HS3ST4: variants seen among roughly 807,000 people sequenced by gnomAD.
HS3ST4 encodes the protein heparan sulfate glucosamine 3-O-sulfotransferase 4.
HS3ST4 carries 17 observed loss-of-function variants against 29.2 expected under a neutral mutation model. The observed-to-expected ratio is 0.58, with a 90% CI of 0.40 to 0.87. HS3ST4 has a LOEUF of 0.87. HS3ST4 is among the 40% of genes least tolerant of loss of function. The pLI, the probability that HS3ST4 is intolerant of heterozygous loss-of-function variation, is 0.00. For synonymous variants in HS3ST4, 314 were observed against 285.7 expected, an observed-to-expected ratio of 1.10 and a Z score of -1.00; for missense variants, 627 against 634.5, an observed-to-expected ratio of 0.99 and a Z score of 0.13.
rs141337706 is a variant in HS3ST4 at position 25,917,151 on chromosome 16, A to C, written c.735-218461A>C. On this transcript the variant is annotated intron_variant, in intron 1 of 1. Transcript: ENST00000331351. Reference sequence around the variant, plus strand: ...TTTTGTAGATGGGTTTGCCTAGCCTAGTTCTAGCACATACTAGGGGCTTAA... The same window carrying C: ...TTTTGTAGATGGGTTTGCCTAGCCTCGTTCTAGCACATACTAGGGGCTTAA... 5.0e-3 allele frequency among the ~76,000 whole-genome samples: 763 copies of C among 152,306 alleles called. 6 individuals are homozygous for C. The highest frequency in any genetic ancestry group is 0.017 in the African/African-American group (695 of 41,560).
At chr16:25,806,795 A>G (rs1966995010) in intron 1 of HS3ST4, among the ~76,000 whole-genome samples, 1 of 152,042 alleles carries the variant, frequency 6.6e-6, no homozygotes, top group African/African-American at 2.4e-5. Context: ...AGATGTTTCC[A>G]GTTGTACTTG....
chr16:25,895,602 G>A lies in HS3ST4; in HGVS notation c.734+202451G>A, dbSNP rs367713283. The stretch of plus-strand genomic sequence containing the variant: ...GTGGACTGGGCGCCTTCACCAGCAA[G>A]GATTTATGTCTCATGTTCTGGAGGC... On this transcript the variant is annotated intron_variant, in intron 1 of 1. Coordinates refer to ENST00000331351, the MANE Select transcript of HS3ST4 (RefSeq NM_006040.3). Among the ~76,000 whole-genome samples the A allele has an allele frequency of 3.1e-4, 47 of 152,212 alleles. No homozygotes were observed. In the East Asian group the frequency reaches 6.0e-3, roughly 19 times the overall value.
At chr16:25,853,792 T>G (rs898491963) in intron 1 of HS3ST4, among the ~76,000 whole-genome samples, 2 of 152,206 alleles carry the variant, frequency 1.3e-5, no homozygotes, top group African/African-American at 4.8e-5. Context: ...TGATGTTCAT[T>G]AGAAATATTG....
At chr16:25,858,034 CTCTT>C (rs1452815557) in intron 1 of HS3ST4, among the ~76,000 whole-genome samples, 1 of 144,398 alleles carries the variant, frequency 6.9e-6, no homozygotes, top group African/African-American at 2.6e-5. Context: ...TTTCCTCTTT[CTCTT>C]TCTTCTTTCT....
At chr16:25,839,745 G>A (rs1260735175) in intron 1 of HS3ST4, among the ~76,000 whole-genome samples, 1 of 152,158 alleles carries the variant, frequency 6.6e-6, no homozygotes, top group Non-Finnish European at 1.5e-5. Context: ...TCAGTCATAA[G>A]AGGCTCTAGG....
intron 1 of HS3ST4, among the ~76,000 whole-genome samples, chr16:25,931,127 CG>C (rs35686511): frequency 0.1 from 15,262 of 152,194 alleles, 986 homozygotes; most frequent in Non-Finnish European, 0.15. Flanking sequence ...ACCTCCACCC[CG>C]GGAAATGCGG....
intron 1 of HS3ST4, among the ~76,000 whole-genome samples, chr16:25,714,091 T>C (rs1966435666): frequency 6.6e-6 from 1 of 152,158 alleles, no homozygotes; most frequent in African/African-American, 2.4e-5. Context: ...CATTACAAGA[T>C]GCTATTCAGG....
chr16:26,032,029 T>C (rs1596656655), intron 1 of HS3ST4, among the ~76,000 whole-genome samples: 2 of 152,192 alleles, frequency 1.3e-5, no homozygotes, highest in African/African-American at 4.8e-5. Context: ...AGATCCACAA[T>C]CTAGAAATGG....
intron 1 of HS3ST4, among the ~76,000 whole-genome samples, chr16:26,039,351 AGTGT>A (rs1302332119): frequency 2.0e-5 from 3 of 152,162 alleles, no homozygotes; most frequent in Non-Finnish European, 2.9e-5. Flanking sequence ...TTTTGTTTTG[AGTGT>A]GTGTATGTGT....
At chr16:25,827,165 AC>A (rs779994310) in intron 1 of HS3ST4, among the ~76,000 whole-genome samples, 5 of 152,138 alleles carry the variant, frequency 3.3e-5, no homozygotes, top group Non-Finnish European at 7.3e-5. Context: ...TTGAGATCCA[AC>A]GTAGCTGCTC....
intron 1 of HS3ST4, among the ~76,000 whole-genome samples, chr16:25,827,862 A>T (rs1046585202): frequency 6.6e-6 from 1 of 152,230 alleles, no homozygotes; most frequent in African/African-American, 2.4e-5. Context: ...CCATGTTAAC[A>T]GATGAGGAAG....
intron 1 of HS3ST4, among the ~76,000 whole-genome samples, chr16:25,837,805 CA>C (rs1230807081): frequency 6.6e-6 from 1 of 151,864 alleles, no homozygotes; most frequent in Non-Finnish European, 1.5e-5. Flanking sequence ...ATTTTAGGTT[CA>C]GGGGCTACAT....
intron 1 of HS3ST4, among the ~76,000 whole-genome samples, chr16:26,129,017 C>T (rs959889191): frequency 1.3e-5 from 2 of 152,216 alleles, no homozygotes; most frequent in Admixed American, 1.3e-4. Flanking sequence ...CTAATTCAGG[C>T]AAGCCAAAGG....
At chr16:25,834,307 A>C (rs940546091) in intron 1 of HS3ST4, among the ~76,000 whole-genome samples, 3 of 152,216 alleles carry the variant, frequency 2.0e-5, no homozygotes, top group Non-Finnish European at 4.4e-5. Flanking sequence ...GGGCTCAGCA[A>C]TCTTTGTTTT....
chr16:25,825,625 A>G (rs1967207739), intron 1 of HS3ST4: 2 of 152,164 alleles, frequency 1.3e-5, no homozygotes, highest in South Asian at 4.1e-4. Context: ...GGTCTTTTGG[A>G]ACCCACTCAA....
At chr16:25,819,071 G>A (rs1001750554) in intron 1 of HS3ST4, among the ~76,000 whole-genome samples, 7 of 152,212 alleles carry the variant, frequency 4.6e-5, no homozygotes, top group South Asian at 4.2e-4. Context: ...GGATTACCCC[G>A]GGGTCACCCA....
chr16:25,970,692 TA>T (rs952146602), intron 1 of HS3ST4, among the ~76,000 whole-genome samples: 21 of 152,012 alleles, frequency 1.4e-4, no homozygotes, highest in Non-Finnish European at 2.5e-4. Context: ...AATTTAAAAA[TA>T]TTTTTGGTAG....
At chr16:26,075,887 G>A (rs954458321) in intron 1 of HS3ST4, among the ~76,000 whole-genome samples, 6 of 152,254 alleles carry the variant, frequency 3.9e-5, no homozygotes, top group Non-Finnish European at 8.8e-5. Context: ...GTTAGTCTCA[G>A]CATTCCTCCT....
intron 1 of HS3ST4, among the ~76,000 whole-genome samples, chr16:25,843,243 G>C (rs1967434007): frequency 6.6e-6 from 1 of 151,952 alleles, no homozygotes; most frequent in Non-Finnish European, 1.5e-5. Flanking sequence ...TTCTGCCTGG[G>C]TTTACTCTGC....
Sources: allele counts gnomAD v4.1 joint callset (sites outside exome capture counted in the v4.1 genomes callset), GRCh38; gene constraint gnomAD v4.1.1; transcripts MANE v1.5; gene names NCBI Gene and HGNC (gene_info 2026-07-23, HGNC 2026-07-21).